TMEM131L: variants seen among roughly 807,000 people sequenced by gnomAD.
The protein encoded by TMEM131L is transmembrane protein 131-like.
In TMEM131L, 54 loss-of-function variants were observed where a neutral mutation model predicts 192.2. The observed-to-expected ratio is 0.28, with a 90% CI of 0.23 to 0.35. The LOEUF (loss-of-function observed/expected upper bound fraction) is 0.35. Among genes scored for constraint, TMEM131L ranks in the 10% least tolerant of loss-of-function variants. The probability of loss-of-function intolerance (pLI) is 1.00; values close to 1 mark genes in which losing one functional copy is unlikely to be tolerated. For synonymous variants in TMEM131L, 701 were observed against 704.9 expected (o/e 0.99, Z 0.09); for missense variants, 1,888 against 1,972.9 (o/e 0.96, Z 0.82).
At chr4:153,475,206 C>T (rs1368015191) in intron 3 of TMEM131L, among the ~76,000 whole-genome samples, 1 of 152,118 alleles carries the variant, frequency 6.6e-6, no homozygotes, top group Non-Finnish European at 1.5e-5. Flanking sequence ...ATGACAAATT[C>T]TTTAGTAACT....
chr4:153,632,583 A>G, intron 31 of TMEM131L, 135 bp from the exon 32 acceptor site: 4 of 884,744 alleles, frequency 4.5e-6, no homozygotes, highest in Non-Finnish European at 5.2e-6. Flanking sequence ...TCCTGAAATT[A>G]TATTCCGAAA....
chr4:153,496,395 C>A (rs1439065113), intron 3 of TMEM131L, among the ~76,000 whole-genome samples: 1 of 152,186 alleles, frequency 6.6e-6, no homozygotes, highest in Non-Finnish European at 1.5e-5. Context: ...TCCAGGACCA[C>A]CCCCCTCATG....
intron 1 of TMEM131L, 36 bp from the exon 2 acceptor site, chr4:153,467,175 A>T (rs747102294): frequency 6.5e-6 from 10 of 1,546,876 alleles, no homozygotes; most frequent in Middle Eastern, 1.7e-4. Context: ...TTTAGCGTGC[A>T]TTAAAAACGT....
At chr4:153,633,032 AAAAG>A (rs1047594381) in intron 32 of TMEM131L, among the ~76,000 whole-genome samples, 194 bp downstream of exon 32, 5 of 86,392 alleles carry the variant, frequency 5.8e-5, no homozygotes, top group South Asian at 3.4e-4. Flanking sequence ...AACATGAAAT[AAAAG>A]AAAGAAAGCT....
In TMEM131L at chr4:153,466,418, G is replaced by T; in HGVS notation, c.21G>T (p.Pro7=). MAGLRR[P]QPGCYCRTAA... is the part of the protein sequence containing the mutation. ...GCAGCATGGCGGGGCTCCGACGCCC[G>T]CAGCCCGGCTGCTACTGCCGCACCG... Residue 7 remains proline, a synonymous_variant, in exon 1 of 35, where the codon CCG becomes CCT. Transcript: ENST00000409959. The T allele has an allele frequency of 7.3e-7, 1 of 1,368,412 alleles. No individual in the cohort carries two copies. 84.8% of individuals were successfully genotyped at this position (1,368,412 alleles called of 1,614,324 possible). A position where few individuals can be genotyped will look rare whatever the true frequency, so the allele number is the denominator to read the frequency against.
intron 3 of TMEM131L, among the ~76,000 whole-genome samples, chr4:153,481,645 C>T (rs112942732): frequency 6.0e-4 from 91 of 152,308 alleles, no homozygotes; most frequent in Middle Eastern, 6.8e-3. Flanking sequence ...AAGGGATCCT[C>T]CAACCTCAGC....
At chr4:153,610,433 C>T (rs1279459498) in intron 25 of TMEM131L, among the ~76,000 whole-genome samples, 1 of 152,080 alleles carries the variant, frequency 6.6e-6, no homozygotes, top group African/African-American at 2.4e-5. Context: ...GGATTATTTT[C>T]TGTATTCATT....
At chr4:153,486,284 C>T (rs1238129262) in intron 3 of TMEM131L, among the ~76,000 whole-genome samples, 1 of 152,218 alleles carries the variant, frequency 6.6e-6, no homozygotes, top group Non-Finnish European at 1.5e-5. Flanking sequence ...TATTCAGCTA[C>T]ATAGCTTTTG....
chr4:153,524,750 G>T (rs919604382), intron 3 of TMEM131L, among the ~76,000 whole-genome samples: 3 of 152,148 alleles, frequency 2.0e-5, no homozygotes, highest in African/African-American at 4.8e-5. Flanking sequence ...GTCTATTAAG[G>T]TTACTTCCAA....
intron 32 of TMEM131L, 93 bp downstream of exon 32, chr4:153,632,931 T>C (rs1734313759): frequency 6.8e-7 from 1 of 1,470,222 alleles, no homozygotes; most frequent in Non-Finnish European, 9.3e-7. Flanking sequence ...CTTACAAAAA[T>C]GAAGGCTAGG....
chr4:153,527,897 C>T (rs1322534795), intron 3 of TMEM131L, among the ~76,000 whole-genome samples: 1 of 152,178 alleles, frequency 6.6e-6, no homozygotes, highest in East Asian at 1.9e-4. Context: ...GACCACCTTG[C>T]ATTTGTCTCT....
intron 13 of TMEM131L, among the ~76,000 whole-genome samples, 185 bp from the exon 14 acceptor site, chr4:153,586,022 CAG>C (rs1463148018): frequency 6.6e-6 from 1 of 152,064 alleles, no homozygotes; most frequent in Non-Finnish European, 1.5e-5. Context: ...AAATTTAAAA[CAG>C]TGTCATCTTA....
At chr4:153,601,661 C>G (rs1367606396) in intron 21 of TMEM131L, among the ~76,000 whole-genome samples, 1 of 152,084 alleles carries the variant, frequency 6.6e-6, no homozygotes, top group Non-Finnish European at 1.5e-5. Context: ...AAAATGTGTT[C>G]TCATAATAGT....
chr4:153,574,323 G>A (rs1036657840), intron 7 of TMEM131L, among the ~76,000 whole-genome samples: 3 of 152,166 alleles, frequency 2.0e-5, no homozygotes, highest in African/African-American at 7.2e-5. Flanking sequence ...TAGTGGTGGT[G>A]GTGGTGGGGG....
intron 3 of TMEM131L, among the ~76,000 whole-genome samples, chr4:153,504,276 T>G (rs1733825090): frequency 9.6e-6 from 1 of 103,952 alleles, no homozygotes; most frequent in Non-Finnish European, 1.9e-5. Flanking sequence ...CTTTTTTTTT[T>G]TTTTTTTTTT....
chr4:153,477,264 A>G (rs1035429757), intron 3 of TMEM131L, among the ~76,000 whole-genome samples: 2 of 152,142 alleles, frequency 1.3e-5, no homozygotes, highest in Non-Finnish European at 2.9e-5. Context: ...CCTCCTGGGA[A>G]TCTCAGACTT....
chr4:153,489,017 A>G (rs1732572762), intron 3 of TMEM131L, among the ~76,000 whole-genome samples: 1 of 152,172 alleles, frequency 6.6e-6, no homozygotes, highest in African/African-American at 2.4e-5. Flanking sequence ...CATCTGGACT[A>G]ATTGCATCTG....
chr4:153,619,429 G>A lies in TMEM131L; in HGVS notation c.3568-1327G>A, dbSNP rs551275013. On this transcript the variant is annotated intron_variant, in intron 26 of 34. Coordinates refer to ENST00000409959, the MANE Select transcript of TMEM131L (RefSeq NM_001131007.2). Reference sequence around the variant, plus strand: ...TTCAAACTTAAGCAATTAGCATAAGGTCCTGTACAATAGGGCTTTGTATGC... The same window carrying A: ...TTCAAACTTAAGCAATTAGCATAAGATCCTGTACAATAGGGCTTTGTATGC... Among the ~76,000 whole-genome samples, 11 of 152,296 alleles carry A rather than the reference G, an allele frequency of 7.2e-5. No individual in the cohort carries two copies. In the South Asian group the frequency reaches 2.3e-3, roughly 32 times the overall value.
intron 2 of TMEM131L, among the ~76,000 whole-genome samples, chr4:153,467,516 C>G (rs1483895666): frequency 2.6e-5 from 4 of 152,268 alleles, no homozygotes; most frequent in Non-Finnish European, 5.9e-5. Flanking sequence ...GGTGGGAACC[C>G]AGGCCACCTC....
Sources: allele counts gnomAD v4.1 joint callset (sites outside exome capture counted in the v4.1 genomes callset), GRCh38; gene constraint gnomAD v4.1.1; transcripts MANE v1.5; gene names NCBI Gene and HGNC (gene_info 2026-07-23, HGNC 2026-07-21).